KAZN: variants seen among roughly 807,000 people sequenced by gnomAD.
KAZN encodes the protein kazrin.
KAZN carries 40 observed loss-of-function variants against 87.4 expected under a neutral mutation model. The observed-to-expected ratio is 0.46, with a 90% CI of 0.36 to 0.60. The LOEUF is 0.60. Ranked by LOEUF, KAZN falls within the 20% of genes least tolerant of loss-of-function variation. The pLI is 0.00. For missense variants in KAZN, 898 were observed against 1,073.9 expected, an observed-to-expected ratio of 0.84 and a Z score of 2.29; for synonymous variants, 466 against 458.3, an observed-to-expected ratio of 1.02 and a Z score of -0.22.
intron 2 of KAZN, among the ~76,000 whole-genome samples, chr1:14,470,557 G>A (rs1253268640): frequency 6.6e-6 from 1 of 152,206 alleles, no homozygotes; most frequent in Non-Finnish European, 1.5e-5. Flanking sequence ...AGATAGAAGA[G>A]CCACATTAGC....
At chr1:15,109,678 T>A (rs2100738186) in intron 13 of KAZN, among the ~76,000 whole-genome samples, 1 of 152,228 alleles carries the variant, frequency 6.6e-6, no homozygotes, top group Admixed American at 6.5e-5. Context: ...TATGTGTGTA[T>A]ATGGGTGTAT....
At chr1:14,032,451 ACCCTGCAGCCTATCTCAG>A (rs1171612149) in intron 1 of KAZN, among the ~76,000 whole-genome samples, 19 of 152,206 alleles carry the variant, frequency 1.2e-4, no homozygotes, top group East Asian at 9.7e-4. Context: ...TAACCACTGT[ACCCTGCAGCCTATCTCAG>A]AGCCTTCTCC....
At chr1:14,850,501 G>C (rs1557553363) in intron 1 of KAZN, among the ~76,000 whole-genome samples, 1 of 152,158 alleles carries the variant, frequency 6.6e-6, no homozygotes, top group Non-Finnish European at 1.5e-5. Context: ...GCTTAGAGAG[G>C]TTAAGCAACT....
chr1:14,002,769 G>A (rs1362708601), intron 1 of KAZN, among the ~76,000 whole-genome samples: 3 of 152,198 alleles, frequency 2.0e-5, no homozygotes, highest in African/African-American at 7.2e-5. Flanking sequence ...ATGTAAATTA[G>A]TTCAACCATT....
chr1:14,681,498 C>T (rs1572209658), intron 1 of KAZN, among the ~76,000 whole-genome samples: 1 of 150,084 alleles, frequency 6.7e-6, no homozygotes, highest in South Asian at 2.1e-4. Flanking sequence ...TTTTGAGCTC[C>T]AAAACTCCAT....
intron 1 of KAZN, among the ~76,000 whole-genome samples, chr1:13,995,088 A>T (rs12037694): frequency 0.14 from 21,322 of 152,072 alleles, 1,598 homozygotes; most frequent in Middle Eastern, 0.22. Context: ...TCCAACAAAG[A>T]TCTACAAAAA....
intron 1 of KAZN, among the ~76,000 whole-genome samples, chr1:14,951,055 A>G (rs1662419151): frequency 6.6e-6 from 1 of 152,202 alleles, no homozygotes; most frequent in South Asian, 2.1e-4. Flanking sequence ...AAGGGGATTG[A>G]GAATTCATGC....
At position 14,773,080 on chromosome 1, in the gene KAZN, C is replaced by A. The variant is rs1188006576; in HGVS notation, c.226+173857C>A. Among the ~76,000 whole-genome samples, 1 of 152,072 alleles carries A rather than the reference C, an allele frequency of 6.6e-6. No homozygotes were observed. The highest frequency in any genetic ancestry group is 2.4e-5 in the African/African-American group (1 of 41,412). ...GGGCATTTGAGGGTCAGGTGGGTGA[C>A]CCTAGTCCCCCACAAAGGTAGCATC... On this transcript the variant is annotated intron_variant, in intron 1 of 14. Transcript: ENST00000376030. This position sits in a 1 kb window ranked among gnomAD's most constrained non-coding sequence, Gnocchi z 5.9.
intron 1 of KAZN, among the ~76,000 whole-genome samples, chr1:14,117,864 A>G (rs994100800): frequency 2.0e-5 from 3 of 152,146 alleles, no homozygotes; most frequent in African/African-American, 7.2e-5. Context: ...TTAGCTCATG[A>G]ACTACCCAAA....
intron 1 of KAZN, among the ~76,000 whole-genome samples, chr1:14,008,533 C>T (rs549456239): frequency 2.4e-4 from 37 of 152,266 alleles, no homozygotes; most frequent in African/African-American, 4.8e-4. Flanking sequence ...AACCCAGAGT[C>T]GAGTACTGGG....
chr1:14,779,582 G>A (rs1645273499), intron 1 of KAZN, among the ~76,000 whole-genome samples: 1 of 152,172 alleles, frequency 6.6e-6, no homozygotes, highest in Non-Finnish European at 1.5e-5. Flanking sequence ...TGAGATGTAG[G>A]TCTACAGGGC....
intron 1 of KAZN, among the ~76,000 whole-genome samples, chr1:14,746,645 G>GTA (rs1359289181): frequency 1.3e-5 from 2 of 152,078 alleles, no homozygotes; most frequent in Non-Finnish European, 2.9e-5. Flanking sequence ...GGGAGCTGGG[G>GTA]TCAGGGAGGG....
intron 2 of KAZN, among the ~76,000 whole-genome samples, chr1:14,535,117 G>C (rs141126630): frequency 1.9e-4 from 29 of 152,134 alleles, no homozygotes; most frequent in African/African-American, 7.0e-4. Context: ...CTAGTCCATT[G>C]TCTCCTCCTC....
intron 1 of KAZN, among the ~76,000 whole-genome samples, chr1:14,864,776 TG>T (rs1651262529): frequency 6.6e-6 from 1 of 152,120 alleles, no homozygotes; most frequent in Non-Finnish European, 1.5e-5. Context: ...TTCAGATTGC[TG>T]GGGGCCTGTA....
chr1:14,447,983 G>A (rs1421170980), intron 2 of KAZN, among the ~76,000 whole-genome samples: 1 of 152,220 alleles, frequency 6.6e-6, no homozygotes, highest in African/African-American at 2.4e-5. Flanking sequence ...CAGGATAGCA[G>A]GAGAGAGTAG....
intron 2 of KAZN, among the ~76,000 whole-genome samples, chr1:14,385,964 C>T (rs1405761577): frequency 6.6e-6 from 1 of 151,200 alleles, no homozygotes; most frequent in Non-Finnish European, 1.5e-5. Context: ...CTTTGTAGGT[C>T]ACTCAGGACT....
At chr1:14,430,737 A>AG (rs1284293044) in intron 2 of KAZN, among the ~76,000 whole-genome samples, 5 of 152,228 alleles carry the variant, frequency 3.3e-5, no homozygotes, top group African/African-American at 1.2e-4. Context: ...CAGGGTGCTG[A>AG]GCACAAGCAG....
intron 2 of KAZN, among the ~76,000 whole-genome samples, chr1:14,259,872 A>G (rs551985544): frequency 6.6e-6 from 1 of 152,334 alleles, no homozygotes; most frequent in East Asian, 1.9e-4. Context: ...TCCAGGAAAT[A>G]CCAGAGCTGC....
chr1:14,788,647 C>A (rs577808278), intron 1 of KAZN, among the ~76,000 whole-genome samples: 1 of 152,156 alleles, frequency 6.6e-6, no homozygotes. Context: ...AAAGGGCCTC[C>A]GTCAAAGCTT....
Sources: allele counts gnomAD v4.1 joint callset (sites outside exome capture counted in the v4.1 genomes callset), GRCh38; gene constraint gnomAD v4.1.1; non-coding constraint Gnocchi (gnomAD v3.1); transcripts MANE v1.5; gene names NCBI Gene and HGNC (gene_info 2026-07-23, HGNC 2026-07-21).